RPS27A: variants seen among roughly 807,000 people sequenced by gnomAD.
RPS27A encodes the protein ubiquitin-ribosomal protein eS31 fusion protein.
A neutral mutation model predicts 18.9 loss-of-function variants in RPS27A; 1 was observed. The observed-to-expected ratio is 0.05, with a 90% CI of 0.02 to 0.25. The LOEUF (loss-of-function observed/expected upper bound fraction) is 0.25, where lower values mean the gene tolerates loss of function less well. RPS27A is among the 10% of genes least tolerant of loss of function. RPS27A has a pLI of 1.00. For missense variants in RPS27A, 123 were observed against 187.4 expected (o/e 0.66, Z 2.01); for synonymous variants, 77 against 63.7 (o/e 1.21, Z -0.99).
At chr2:55,233,936 T>C (rs866032512) in intron 3 of RPS27A, 183 bp from the exon 4 acceptor site, 6 of 656,346 alleles carry the variant, frequency 9.1e-6, no homozygotes, top group African/African-American at 3.6e-5. Context: ...AACCAAGTAT[T>C]GTCCCTAATA....
Position 55,232,884 on chromosome 2 carries a change from G to T in RPS27A, c.48+12G>T. On this transcript the variant is annotated intron_variant, in intron 2 of 5. Coordinates refer to ENST00000272317, the MANE Select transcript of RPS27A (RefSeq NM_002954.6). The stretch of plus-strand genomic sequence containing the variant: ...CCATCACCCTCGAGGTACGGGCCGG[G>T]TGGTCATGAGGAAGCCAAGGTCCGA... The T allele has an allele frequency of 6.2e-7, 1 of 1,610,708 alleles. No individual in the cohort carries two copies. Among genetic ancestry groups the T allele is most frequent in the Non-Finnish European group, 8.5e-7 (1 of 1,178,084 alleles).
At chr2:55,232,595 G>T, upstream of RPS27A, 3 of 598,076 alleles carry the variant, frequency 5.0e-6, no homozygotes, top group Non-Finnish European at 9.0e-6. Context: ...GATTGTCGCT[G>T]GGACGGCAGT....
At chr2:55,235,284 C>A in intron 5 of RPS27A, 144 bp from the exon 6 acceptor site, 1 of 919,186 alleles carries the variant, frequency 1.1e-6, no homozygotes, top group Non-Finnish European at 1.7e-6. Context: ...GCAATGATAA[C>A]TGGTGAGAAT....
Position 55,232,803 on chromosome 2 carries a change from C to G in RPS27A, c.-17-5C>G. The G allele has an allele frequency of 6.2e-7, 1 of 1,609,380 alleles. No individual in the cohort carries two copies. The highest frequency in any genetic ancestry group is 1.3e-5 in the African/African-American group (1 of 75,000). On this transcript the variant is annotated splice_polypyrimidine_tract_variant and splice_region_variant and intron_variant, in intron 1 of 5. Transcript: ENST00000272317. ...AACCTGTCTCTTCCTTTTCCTCAAC[C>G]TCAGGTGGAGCCGCCACCAAAATGC...
Position 55,232,870 on chromosome 2 carries a change from G to A in RPS27A, c.46G>A (p.Glu16Lys). 1 of 1,611,220 alleles carries A rather than the reference G, an allele frequency of 6.2e-7. No homozygotes were observed. The highest frequency in any genetic ancestry group is 8.5e-7 in the Non-Finnish European group (1 of 1,179,240). The change falls in exon 2 of 6, where the codon GAG becomes AAG. Residue 16 changes from glutamate to lysine, a missense_variant and splice_region_variant. By Grantham distance (56) the Glu-to-Lys change is moderately conservative (BLOSUM62 1). Around this residue, in one of 2 missense-constraint regions of RPS27A, gnomAD observed 66 missense variants for 72.6 expected, o/e 0.91. Transcript: ENST00000272317. ...KTLTGKTITL[E>K]VEPSDTIENV... is the part of the protein sequence containing the mutation. ...CCTTACGGGGAAGACCATCACCCTC[G>A]AGGTACGGGCCGGGTGGTCATGAGG...
At chr2:55,235,296 T>G (rs182935100) in intron 5 of RPS27A, 132 bp from the exon 6 acceptor site, 1 of 998,190 alleles carries the variant, frequency 1.0e-6, no homozygotes, top group Non-Finnish European at 1.6e-6. Flanking sequence ...GGTGAGAATT[T>G]AGGGTGCTTT....
At chr2:55,232,596 G>T (rs139327606), upstream of RPS27A, 6 of 599,430 alleles carry the variant, frequency 1.0e-5, no homozygotes, top group Admixed American at 1.7e-4. Flanking sequence ...ATTGTCGCTG[G>T]GACGGCAGTC....
At chr2:55,233,732 G>A (rs1286752488) in intron 3 of RPS27A, 4 of 476,120 alleles carry the variant, frequency 8.4e-6, no homozygotes, top group Non-Finnish European at 1.5e-5. Context: ...GGGTTCAAGT[G>A]ATTTTTGTGC....
rs1263940551 is a variant in RPS27A, at chr2:55,232,820, C to T, written c.-5C>T. Reference sequence around the variant, plus strand: ...TCCTCAACCTCAGGTGGAGCCGCCACCAAAATGCAGATTTTCGTGAAAACC... The same window carrying T: ...TCCTCAACCTCAGGTGGAGCCGCCATCAAAATGCAGATTTTCGTGAAAACC... On this transcript the variant is annotated 5_prime_UTR_variant, in exon 2 of 6. Coordinates refer to ENST00000272317, the MANE Select transcript of RPS27A (RefSeq NM_002954.6). 1.6e-5 allele frequency: 26 copies of T among 1,612,622 alleles called. No homozygotes were observed. Among genetic ancestry groups the T allele is most frequent in the Non-Finnish European group, 2.1e-5 (25 of 1,179,508 alleles).
At chr2:55,235,294 T>C in intron 5 of RPS27A, 134 bp from the exon 6 acceptor site, 1 of 990,318 alleles carries the variant, frequency 1.0e-6, no homozygotes, top group Non-Finnish European at 1.6e-6. Context: ...CTGGTGAGAA[T>C]TTAGGGTGCT....
intron 5 of RPS27A, chr2:55,235,180 C>A (rs1229550536): frequency 1.4e-6 from 1 of 704,958 alleles, no homozygotes; most frequent in Non-Finnish European, 2.3e-6. Context: ...AGTTTAAAGT[C>A]GGGTTTGGGT....
intron 4 of RPS27A, 79 bp from the exon 5 acceptor site, chr2:55,234,752 T>G: frequency 6.5e-7 from 1 of 1,545,326 alleles, no homozygotes; most frequent in Non-Finnish European, 8.9e-7. Flanking sequence ...GCTACTGCTT[T>G]TAATTAGAAA....
At chr2:55,233,240 T>C (rs1675584299) in intron 2 of RPS27A, 123 bp from the exon 3 acceptor site, 1 of 832,276 alleles carries the variant, frequency 1.2e-6, no homozygotes, top group Admixed American at 2.0e-5. Flanking sequence ...GGGTGGGTAA[T>C]AGGTCTCTCG....
chr2:55,233,954 C>T (rs1675653798), intron 3 of RPS27A, 165 bp from the exon 4 acceptor site: 3 of 677,340 alleles, frequency 4.4e-6, no homozygotes, highest in Non-Finnish European at 8.2e-6. Flanking sequence ...ATATTAAATG[C>T]GGTAAAATGT....
intron 3 of RPS27A, 164 bp downstream of exon 3, chr2:55,233,581 C>CT: frequency 1.5e-6 from 1 of 662,596 alleles, no homozygotes; most frequent in Non-Finnish European, 2.8e-6. Flanking sequence ...GAGCACAGTA[C>CT]CTAGATTGGA....
intron 3 of RPS27A, 154 bp from the exon 4 acceptor site, chr2:55,233,965 G>T: frequency 1.4e-6 from 1 of 695,456 alleles, no homozygotes; most frequent in Non-Finnish European, 2.7e-6. Flanking sequence ...GGTAAAATGT[G>T]ACATGTAAAG....
Position 55,234,199 on chromosome 2 carries a change from C to G in RPS27A, c.184C>G (p.Gln62Glu). The change falls in exon 4 of 6, where the codon CAA becomes GAA. Residue 62 changes from glutamine to glutamate, a missense_variant. Coordinates refer to ENST00000272317, the MANE Select transcript of RPS27A (RefSeq NM_002954.6). ...ACGTACTTTGTCTGACTACAATATT[C>G]AAAAGGTCTGTCTAGGGGAAGAGCA... ...DGRTLSDYNIQKESTLHLVLR... is the reference protein window; with the variant it reads ...DGRTLSDYNIEKESTLHLVLR... 1 of 1,600,704 alleles carries G rather than the reference C, an allele frequency of 6.2e-7. No individual in the cohort carries two copies. The highest frequency in any genetic ancestry group is 8.6e-7 in the Non-Finnish European group (1 of 1,167,832).
At position 55,232,705 on chromosome 2, in the gene RPS27A, T is replaced by G; in HGVS notation, c.-21T>G. On this transcript the variant is annotated 5_prime_UTR_variant, in exon 1 of 6. Transcript: ENST00000272317. ...CGTTCTTCCTTTTCGATCCGCCATC[T>G]GCGGTGGGTGTCTGCACTTCGGCTG... 1 of 891,834 alleles carries G rather than the reference T, an allele frequency of 1.1e-6. No homozygotes were observed. Among genetic ancestry groups the G allele is most frequent in the Non-Finnish European group, 1.8e-6 (1 of 546,098 alleles). The allele number at this position is 891,834 out of a possible 1,614,324, so 55.2% of individuals were successfully genotyped here.
intron 4 of RPS27A, 82 bp downstream of exon 4, chr2:55,234,286 C>G (rs1190089353): frequency 1.0e-6 from 1 of 969,576 alleles, no homozygotes; most frequent in East Asian, 2.6e-5. Context: ...TTGAGACAGG[C>G]TCTGACTCTG....
Sources: gnomAD v4.1 joint callset for allele counts on GRCh38, gnomAD v4.1.1 for gene constraint, gnomAD v4.1.1 regional missense constraint, MANE v1.5 for transcripts, NCBI Gene and HGNC (gene_info 2026-07-23, HGNC 2026-07-21) for gene names.